The following PPP1R12A variants were observed in gnomAD, a reference collection of about 807,000 sequenced individuals.
The protein encoded by PPP1R12A is myosin binding subunit.
Under a neutral mutation model 139.6 loss-of-function variants are expected in PPP1R12A, and 19 were observed. The observed-to-expected ratio is 0.14, with a 90% CI of 0.09 to 0.20. PPP1R12A has a LOEUF of 0.20. Ranked by LOEUF, PPP1R12A falls within the 10% of genes least tolerant of loss-of-function variation. PPP1R12A has a pLI of 1.00. For synonymous variants in PPP1R12A, 427 were observed against 420.6 expected, an observed-to-expected ratio of 1.02 and a Z score of -0.19; for missense variants, 925 against 1,211.5, an observed-to-expected ratio of 0.76 and a Z score of 3.51.
intron 22 of PPP1R12A, among the ~76,000 whole-genome samples, chr12:79,785,712 A>G (rs1871035105): frequency 6.6e-6 from 1 of 152,216 alleles, no homozygotes; most frequent in Non-Finnish European, 1.5e-5. Flanking sequence ...TAAAATATGT[A>G]GTATTTCCCT....
At chr12:79,852,132 C>CT (rs1880114770) in intron 2 of PPP1R12A, among the ~76,000 whole-genome samples, 1 of 150,730 alleles carries the variant, frequency 6.6e-6, no homozygotes, top group Non-Finnish European at 1.5e-5. Context: ...TATTAATTGT[C>CT]TTTTTTCACT....
At chr12:79,933,787 T>C (rs1211913054) in intron 1 of PPP1R12A, among the ~76,000 whole-genome samples, 12 of 152,248 alleles carry the variant, frequency 7.9e-5, no homozygotes, top group Non-Finnish European at 1.5e-5. Context: ...ATCAGACTAC[T>C]ATAAAACTTT....
chr12:79,821,053 A>G, intron 7 of PPP1R12A, 25 bp downstream of exon 7: 1 of 1,596,616 alleles, frequency 6.3e-7, no homozygotes, highest in Non-Finnish European at 8.6e-7. Flanking sequence ...CAAAAATAAC[A>G]AATGTACTTG....
intron 1 of PPP1R12A, among the ~76,000 whole-genome samples, chr12:79,874,761 A>G (rs769600862): frequency 2.6e-5 from 4 of 152,202 alleles, no homozygotes; most frequent in African/African-American, 4.8e-5. Context: ...AAGGTGCTTT[A>G]TCTATGATTT....
chr12:79,804,814 G>C (rs1174331926), intron 14 of PPP1R12A, among the ~76,000 whole-genome samples: 1 of 151,712 alleles, frequency 6.6e-6, no homozygotes, highest in Non-Finnish European at 1.5e-5. Context: ...TGCAATCTTG[G>C]GGCTAGCCTC....
At chr12:79,777,590 C>G (rs1041651691) in intron 24 of PPP1R12A, 3 of 985,118 alleles carry the variant, frequency 3.0e-6, no homozygotes, top group Middle Eastern at 5.2e-4. Flanking sequence ...AGGCCCTATT[C>G]TCAGTCAGCA....
chr12:79,860,641 A>C (rs1469115860), intron 2 of PPP1R12A, among the ~76,000 whole-genome samples: 1 of 152,234 alleles, frequency 6.6e-6, no homozygotes, highest in African/African-American at 2.4e-5. Context: ...TTTATAGGGT[A>C]TGGGATGAAA....
At chr12:79,906,621 G>T (rs780295360) in intron 1 of PPP1R12A, among the ~76,000 whole-genome samples, 50 of 149,998 alleles carry the variant, frequency 3.3e-4, no homozygotes, top group African/African-American at 1.1e-3. Flanking sequence ...ATGTATGTAT[G>T]TATTTATTTA....
intron 1 of PPP1R12A, among the ~76,000 whole-genome samples, chr12:79,925,211 T>C (rs1265554085): frequency 1.3e-5 from 2 of 152,152 alleles, no homozygotes; most frequent in Non-Finnish European, 2.9e-5. Context: ...TAATAAAATA[T>C]ATATAATTTG....
intron 1 of PPP1R12A, among the ~76,000 whole-genome samples, chr12:79,931,414 G>C (rs896026769): frequency 3.9e-5 from 6 of 152,054 alleles, no homozygotes; most frequent in African/African-American, 1.4e-4. Flanking sequence ...GCAGAAATGA[G>C]GGAACTGTAA....
At chr12:79,878,978 TCTTC>T (rs2137367090) in intron 1 of PPP1R12A, among the ~76,000 whole-genome samples, 1 of 152,376 alleles carries the variant, frequency 6.6e-6, no homozygotes, top group East Asian at 1.9e-4. Context: ...ACTTTTATTT[TCTTC>T]CTTAATTTTT....
intron 19 of PPP1R12A, 127 bp downstream of exon 19, chr12:79,793,736 T>C: frequency 1.5e-6 from 1 of 654,434 alleles, no homozygotes; most frequent in Non-Finnish European, 2.5e-6. Flanking sequence ...ACACTGATAT[T>C]GCATACCCAG....
intron 24 of PPP1R12A, among the ~76,000 whole-genome samples, chr12:79,778,083 T>C (rs534209600): frequency 1.3e-5 from 2 of 152,228 alleles, no homozygotes; most frequent in South Asian, 2.1e-4. Context: ...ATAGGTAATA[T>C]GGAGTTTGAT....
At chr12:79,809,591 A>C (rs746797251) in intron 10 of PPP1R12A, among the ~76,000 whole-genome samples, 3 of 152,194 alleles carry the variant, frequency 2.0e-5, no homozygotes, top group Non-Finnish European at 4.4e-5. Context: ...GTATAGTCCC[A>C]TAATTTATGT....
At chr12:79,872,169 C>A (rs1289017261) in intron 2 of PPP1R12A, among the ~76,000 whole-genome samples, 1 of 151,908 alleles carries the variant, frequency 6.6e-6, no homozygotes, top group Non-Finnish European at 1.5e-5. Flanking sequence ...CATATATGAG[C>A]AGAGAGACAA....
At chr12:79,829,146 C>CT (rs1592679906) in intron 4 of PPP1R12A, among the ~76,000 whole-genome samples, 1 of 152,100 alleles carries the variant, frequency 6.6e-6, no homozygotes, top group Non-Finnish European at 1.5e-5. Flanking sequence ...TTAGTATGCC[C>CT]TTCTAACTAC....
At chr12:79,835,465 C>T (rs545370096) in intron 3 of PPP1R12A, among the ~76,000 whole-genome samples, 2 of 147,454 alleles carry the variant, frequency 1.4e-5, no homozygotes, top group Non-Finnish European at 3.1e-5. Context: ...GACTAATACA[C>T]CATCCTATTA....
chr12:79,886,929 C>CT (rs1349229062), intron 1 of PPP1R12A, among the ~76,000 whole-genome samples: 1 of 152,030 alleles, frequency 6.6e-6, no homozygotes, highest in Non-Finnish European at 1.5e-5. Flanking sequence ...TTTTTAGAAG[C>CT]CAACACTTTT....
intron 9 of PPP1R12A, among the ~76,000 whole-genome samples, chr12:79,816,317 GA>G (rs891573045): frequency 2.0e-4 from 31 of 152,104 alleles, no homozygotes; most frequent in Admixed American, 2.6e-4. Flanking sequence ...ATTATTTTGA[GA>G]ATGAAGAATA....
Sources: allele counts gnomAD v4.1 joint callset (sites outside exome capture counted in the v4.1 genomes callset), GRCh38; gene constraint gnomAD v4.1.1; transcripts MANE v1.5; gene names NCBI Gene and HGNC (gene_info 2026-07-23, HGNC 2026-07-21).